The following FAM120A variants were observed in gnomAD, a reference collection of about 807,000 sequenced individuals.
The protein encoded by FAM120A is constitutive coactivator of PPAR-gamma-like protein 1.
FAM120A carries 15 observed loss-of-function variants against 109.7 expected under a neutral mutation model. The observed-to-expected ratio is 0.14, with a 90% CI of 0.09 to 0.21. FAM120A has a LOEUF of 0.21. Among genes scored for constraint, FAM120A ranks in the 10% least tolerant of loss-of-function variants. The pLI is 1.00. For missense variants in FAM120A, 899 were observed against 1,439.3 expected (o/e 0.62, Z 6.07); for synonymous variants, 493 against 572.8 (o/e 0.86, Z 1.99).
At chr9:93,548,336 T>C (rs1246069412) in intron 11 of FAM120A, among the ~76,000 whole-genome samples, 1 of 152,146 alleles carries the variant, frequency 6.6e-6, no homozygotes, top group African/African-American at 2.4e-5. Flanking sequence ...GGTCTTGATC[T>C]CCTGACCTCG....
chr9:93,453,594 G>C, intron 1 of FAM120A: 2 of 985,406 alleles, frequency 2.0e-6, no homozygotes, highest in Non-Finnish European at 2.4e-6. Context: ...AATGATAGCG[G>C]AAGTCCCACC....
At chr9:93,490,991 C>T (rs890245685) in intron 3 of FAM120A, among the ~76,000 whole-genome samples, 5 of 152,204 alleles carry the variant, frequency 3.3e-5, no homozygotes, top group African/African-American at 1.2e-4. Context: ...GTGCCAGCCT[C>T]CACTCTTCAC....
intron 1 of FAM120A, among the ~76,000 whole-genome samples, chr9:93,459,070 C>G (rs1247664141): frequency 6.6e-6 from 1 of 152,166 alleles, no homozygotes; most frequent in Non-Finnish European, 1.5e-5. Context: ...TTTTGCTCAT[C>G]AAAATTTTAC....
intron 10 of FAM120A, among the ~76,000 whole-genome samples, chr9:93,541,011 C>T (rs529965371): frequency 6.6e-6 from 1 of 151,836 alleles, no homozygotes; most frequent in Admixed American, 6.6e-5. Context: ...TCCTGACATG[C>T]ACAACCTAAA....
chr9:93,558,783 C>A, intron 15 of FAM120A, 65 bp downstream of exon 15: 3 of 1,571,072 alleles, frequency 1.9e-6, no homozygotes, highest in East Asian at 2.3e-5. Context: ...CATCGTCTGG[C>A]GCCTTCCTTC....
intron 3 of FAM120A, among the ~76,000 whole-genome samples, chr9:93,478,436 A>C (rs2131283863): frequency 6.6e-6 from 1 of 152,222 alleles, no homozygotes; most frequent in Non-Finnish European, 1.5e-5. Flanking sequence ...ATGCAAGTGC[A>C]CCTGGTTTTG....
intron 2 of FAM120A, among the ~76,000 whole-genome samples, chr9:93,474,779 G>T (rs1391558133): frequency 6.6e-6 from 1 of 152,156 alleles, no homozygotes; most frequent in African/African-American, 2.4e-5. Flanking sequence ...ATTTTTAGTA[G>T]AGATGGGGTT....
chr9:93,556,211 C>T (rs1862276163), intron 12 of FAM120A, among the ~76,000 whole-genome samples, 171 bp from the exon 13 acceptor site: 1 of 152,172 alleles, frequency 6.6e-6, no homozygotes, highest in South Asian at 2.1e-4. Flanking sequence ...ATAAGTATTT[C>T]TGTTCAAATG....
At chr9:93,461,318 T>A (rs1233618469) in intron 1 of FAM120A, among the ~76,000 whole-genome samples, 2 of 152,156 alleles carry the variant, frequency 1.3e-5, no homozygotes, top group Non-Finnish European at 2.9e-5. Context: ...GTAGAGCACA[T>A]TTATGAATAG....
intron 1 of FAM120A, among the ~76,000 whole-genome samples, chr9:93,455,138 C>T (rs964915417): frequency 6.6e-6 from 1 of 152,166 alleles, no homozygotes; most frequent in Non-Finnish European, 1.5e-5. Flanking sequence ...AACAAAGTAT[C>T]CTTTAATAAG....
At chr9:93,515,091 T>C (rs1008194146) in intron 5 of FAM120A, among the ~76,000 whole-genome samples, 7 of 152,254 alleles carry the variant, frequency 4.6e-5, no homozygotes, top group Non-Finnish European at 1.0e-4. Flanking sequence ...TTACTCATCC[T>C]GTATATGTGT....
intron 7 of FAM120A, among the ~76,000 whole-genome samples, chr9:93,523,070 G>A (rs1860910947): frequency 6.6e-6 from 1 of 152,198 alleles, no homozygotes; most frequent in South Asian, 2.1e-4. Flanking sequence ...TAAATTAGCT[G>A]ATGAAAAAGC....
At chr9:93,561,273 G>A in intron 16 of FAM120A, 23 bp downstream of exon 16, 1 of 1,586,140 alleles carries the variant, frequency 6.3e-7, no homozygotes, top group Non-Finnish European at 8.5e-7. Context: ...CCACGAAAAT[G>A]TCTTTTGTAT....
chr9:93,473,178 G>A (rs1396085345), intron 2 of FAM120A, among the ~76,000 whole-genome samples: 3 of 151,898 alleles, frequency 2.0e-5, no homozygotes, highest in Admixed American at 6.6e-5. Flanking sequence ...CACCACGCCC[G>A]GTTAATTTTT....
chr9:93,507,907 C>T (rs1331226361), intron 5 of FAM120A, among the ~76,000 whole-genome samples: 1 of 152,160 alleles, frequency 6.6e-6, no homozygotes, highest in Non-Finnish European at 1.5e-5. Context: ...GCAAGTACCA[C>T]GCCTCTCTCC....
rs576648404 is a variant in FAM120A, at chr9:93,549,362, T to C, written c.2160-1215T>C. ...TCTAAATTGGGATAATTATTGTTCC[T>C]GTCTCAGAATTTCTATAACAGTAGA... On this transcript the variant is annotated intron_variant, in intron 11 of 17. Transcript: ENST00000277165. Among the ~76,000 whole-genome samples the C allele has an allele frequency of 6.6e-5, 10 of 152,372 alleles. No individual in the cohort carries two copies. In the South Asian group the frequency reaches 2.1e-3, roughly 32 times the overall value.
At chr9:93,465,611 TA>T (rs1300713162) in intron 1 of FAM120A, among the ~76,000 whole-genome samples, 1 of 152,206 alleles carries the variant, frequency 6.6e-6, no homozygotes, top group Non-Finnish European at 1.5e-5. Flanking sequence ...GGAATAATTT[TA>T]TAGAAAATTT....
chr9:93,513,470 C>T (rs953824543), intron 5 of FAM120A, among the ~76,000 whole-genome samples: 6 of 152,136 alleles, frequency 3.9e-5, no homozygotes, highest in Non-Finnish European at 5.9e-5. Flanking sequence ...GTTGTGTGCA[C>T]GTGTGTCTAT....
intron 7 of FAM120A, among the ~76,000 whole-genome samples, chr9:93,517,702 G>A (rs1373926012): frequency 6.6e-6 from 1 of 152,196 alleles, no homozygotes; most frequent in African/African-American, 2.4e-5. Flanking sequence ...TGCTAGTGAT[G>A]GAGATGTGGA....
Sources: gnomAD v4.1 joint callset for allele counts (sites outside exome capture counted in the v4.1 genomes callset) on GRCh38, gnomAD v4.1.1 for gene constraint, MANE v1.5 for transcripts, NCBI Gene and HGNC (gene_info 2026-07-23, HGNC 2026-07-21) for gene names.